Variants in ZNF362 observed in about 807,000 individuals in gnomAD.
ZNF362 encodes the protein rotund homolog.
Under a neutral mutation model 42.9 loss-of-function variants are expected in ZNF362, and 11 were observed. The observed-to-expected ratio is 0.26, with a 90% CI of 0.16 to 0.42. The LOEUF is 0.42. ZNF362 is among the 20% of genes least tolerant of loss of function. The pLI, the probability that ZNF362 is intolerant of heterozygous loss-of-function variation, is 1.00. For missense variants in ZNF362, 362 were observed against 576.2 expected (o/e 0.63, Z 3.81); for synonymous variants, 255 against 257.3 (o/e 0.99, Z 0.09).
the ZNF362 span, chr1:33,195,214 C>T: frequency 1.1e-4 from 17 of 152,274 alleles, no homozygotes; most frequent in Middle Eastern, 6.8e-3. Context: ...AAAATAAAGA[C>T]ATTTTCAGAT....
chr1:33,276,681 C>T (rs1167470707), intron 4 of ZNF362, 87 bp downstream of exon 4: 1 of 1,280,668 alleles, frequency 7.8e-7, no homozygotes, highest in Middle Eastern at 3.0e-4. Flanking sequence ...AGGATGGGAC[C>T]CGGCTAGGTA....
chr1:33,262,683 GA>G (rs1296516288), intron 1 of ZNF362, among the ~76,000 whole-genome samples: 1 of 152,134 alleles, frequency 6.6e-6, no homozygotes, highest in Admixed American at 6.5e-5. Flanking sequence ...ACCTGCTTGA[GA>G]GGGGGCACAA....
the ZNF362 span, among the ~76,000 whole-genome samples, chr1:33,157,732 A>T: frequency 6.3e-4 from 95 of 151,680 alleles, 1 homozygote; most frequent in Non-Finnish European, 1.3e-3. Flanking sequence ...GGGTTTGCTA[A>T]TGGAACCTAT....
the ZNF362 span, among the ~76,000 whole-genome samples, chr1:33,221,720 A>G: frequency 6.6e-6 from 1 of 152,168 alleles, no homozygotes. Context: ...TCATTTCACT[A>G]AGCTGGTGTT....
chr1:33,147,740 G>C, the ZNF362 span: 2 of 1,602,578 alleles, frequency 1.2e-6, no homozygotes. The surrounding 1 kb of genome is among the most constrained non-coding windows in gnomAD (Gnocchi z 8.1). Flanking sequence ...GTGGGGGTTG[G>C]AGGAGGGAGA....
At chr1:33,166,716 T>A in the ZNF362 span, among the ~76,000 whole-genome samples, 1 of 152,158 alleles carries the variant, frequency 6.6e-6, no homozygotes, top group South Asian at 2.1e-4. Context: ...TTTTCTACCA[T>A]GATGACTCCT....
chr1:33,287,747 A>G (rs965734074), intron 6 of ZNF362, among the ~76,000 whole-genome samples: 1 of 152,230 alleles, frequency 6.6e-6, no homozygotes, highest in Admixed American at 6.5e-5. Context: ...AACAACGACA[A>G]CTATTCCTTA....
At chr1:33,271,338 A>T (rs1645902684) in intron 2 of ZNF362, among the ~76,000 whole-genome samples, 2 of 152,106 alleles carry the variant, frequency 1.3e-5, no homozygotes, top group African/African-American at 4.8e-5. Flanking sequence ...GAATGCTCCC[A>T]CTTCTTCTCT....
the ZNF362 span, chr1:33,159,583 G>A: frequency 2.1e-6 from 3 of 1,425,190 alleles, no homozygotes; most frequent in Admixed American, 7.6e-5. The surrounding 1 kb of genome is among the most constrained non-coding windows in gnomAD (Gnocchi z 4.2). Context: ...AGATTTGAAT[G>A]AAAGAATTCT....
the ZNF362 span, among the ~76,000 whole-genome samples, chr1:33,202,404 G>A: frequency 2.6e-4 from 40 of 152,198 alleles, no homozygotes; most frequent in African/African-American, 8.9e-4. Context: ...AGATCATCCT[G>A]GCTAACATGG....
chr1:33,289,211 C>T (rs547774442), intron 6 of ZNF362, among the ~76,000 whole-genome samples: 1 of 152,280 alleles, frequency 6.6e-6, no homozygotes, highest in Admixed American at 6.5e-5. Flanking sequence ...TCGAGGCCCG[C>T]CGGGAGGCTG....
At chr1:33,180,781 A>G in the ZNF362 span, among the ~76,000 whole-genome samples, 1 of 151,606 alleles carries the variant, frequency 6.6e-6, no homozygotes, top group African/African-American at 2.4e-5. Flanking sequence ...CCGGTACTCC[A>G]GGTCTGTCTC....
the ZNF362 span, among the ~76,000 whole-genome samples, chr1:33,234,068 G>T: frequency 6.6e-6 from 1 of 152,148 alleles, no homozygotes; most frequent in East Asian, 1.9e-4. Flanking sequence ...AGCACTTGCT[G>T]TCTGCCAGAC....
rs1421315497 is a variant in ZNF362, at chr1:33,266,790, C to T, written c.-88-3697C>T. On this transcript the variant is annotated intron_variant, in intron 1 of 8. Transcript: ENST00000539719. This position sits in a 1 kb window ranked among gnomAD's most constrained non-coding sequence, Gnocchi z 4.3. The stretch of plus-strand genomic sequence containing the variant: ...TGTGCAAAGCCATGGCACATCAGAT[C>T]ACCTTGTTCTGGGGGCCCTGATGCT... Among the ~76,000 whole-genome samples the T allele has an allele frequency of 1.3e-5, 2 of 152,198 alleles. No homozygotes were observed. The highest frequency in any genetic ancestry group is 2.4e-5 in the African/African-American group (1 of 41,450).
At chr1:33,236,813 G>A in the ZNF362 span, among the ~76,000 whole-genome samples, 1 of 151,838 alleles carries the variant, frequency 6.6e-6, no homozygotes, top group East Asian at 1.9e-4. Context: ...AAGCACAGTG[G>A]CTCACACCTG....
chr1:33,229,752 A>G, the ZNF362 span, among the ~76,000 whole-genome samples: 1 of 152,010 alleles, frequency 6.6e-6, no homozygotes, highest in Non-Finnish European at 1.5e-5. Context: ...TCCTCCCCTT[A>G]GCCCCCAGTC....
the ZNF362 span, among the ~76,000 whole-genome samples, chr1:33,170,255 A>G: frequency 6.6e-6 from 1 of 151,810 alleles, no homozygotes; most frequent in Admixed American, 6.6e-5. Flanking sequence ...GCTTTAACCC[A>G]GGAGGTTGCA....
the ZNF362 span, among the ~76,000 whole-genome samples, chr1:33,210,022 G>A: frequency 6.6e-6 from 1 of 152,068 alleles, no homozygotes; most frequent in African/African-American, 2.4e-5. Flanking sequence ...TGATGTTAGG[G>A]TGTCAATTTT....
chr1:33,220,437 T>A, the ZNF362 span, among the ~76,000 whole-genome samples: 1 of 152,016 alleles, frequency 6.6e-6, no homozygotes, highest in Non-Finnish European at 1.5e-5. Context: ...CTCAGAGAGG[T>A]TAAGCCACTT....
Sources: gnomAD v4.1 joint callset for allele counts (sites outside exome capture counted in the v4.1 genomes callset) on GRCh38, gnomAD v4.1.1 for gene constraint, Gnocchi (gnomAD v3.1) non-coding constraint, MANE v1.5 for transcripts, NCBI Gene and HGNC (gene_info 2026-07-23, HGNC 2026-07-21) for gene names.